The following SPMIP2 variants were observed in gnomAD, a reference collection of about 807,000 sequenced individuals.
SPMIP2 encodes protein SPMIP2.
At chr4:158,904,431 T>TTAAAG in the SPMIP2 span, 1 of 1,530,154 alleles carries the variant, frequency 6.5e-7, no homozygotes, top group Non-Finnish European at 9.0e-7. Flanking sequence ...CCATGCTCTT[T>TTAAAG]TAAAGTAATA....
the SPMIP2 span, among the ~76,000 whole-genome samples, chr4:159,014,521 T>A: frequency 6.6e-6 from 1 of 152,168 alleles, no homozygotes; most frequent in Non-Finnish European, 1.5e-5. Flanking sequence ...AAATTTTTTT[T>A]TTATTATACT....
At chr4:158,940,952 A>G in the SPMIP2 span, among the ~76,000 whole-genome samples, 1 of 152,176 alleles carries the variant, frequency 6.6e-6, no homozygotes, top group Non-Finnish European at 1.5e-5. Context: ...AAGATGTTCT[A>G]GGTTCATCTT....
the SPMIP2 span, among the ~76,000 whole-genome samples, chr4:158,997,825 A>T: frequency 1.3e-5 from 2 of 151,896 alleles, no homozygotes; most frequent in East Asian, 1.9e-4. Flanking sequence ...GCTAATTTTT[A>T]AAATTTTTTT....
the SPMIP2 span, among the ~76,000 whole-genome samples, chr4:158,993,590 C>T: frequency 6.6e-6 from 1 of 151,884 alleles, no homozygotes; most frequent in African/African-American, 2.4e-5. Context: ...TTATTCAACA[C>T]GTACTTATGA....
the SPMIP2 span, among the ~76,000 whole-genome samples, chr4:158,902,437 G>A: frequency 1.3e-5 from 2 of 152,220 alleles, no homozygotes; most frequent in African/African-American, 4.8e-5. Context: ...ACTGGGAGGT[G>A]TCTCCCAGTC....
At chr4:158,904,851 T>C in the SPMIP2 span, 49 of 298,690 alleles carry the variant, frequency 1.6e-4, no homozygotes, top group East Asian at 3.2e-3. Context: ...TGCAACAGAT[T>C]GCCTTGTGCT....
the SPMIP2 span, among the ~76,000 whole-genome samples, chr4:159,029,487 T>G: frequency 6.6e-6 from 1 of 152,222 alleles, no homozygotes; most frequent in African/African-American, 2.4e-5. Context: ...GATCCACCGA[T>G]AGTTTTTTCA....
At chr4:159,035,056 A>G in the SPMIP2 span, 2 of 1,613,214 alleles carry the variant, frequency 1.2e-6, no homozygotes, top group Middle Eastern at 1.7e-4. Flanking sequence ...TTGTTTTCCC[A>G]CAGTAGTAGA....
the SPMIP2 span, among the ~76,000 whole-genome samples, chr4:159,003,786 G>T: frequency 2.6e-5 from 4 of 152,150 alleles, no homozygotes; most frequent in African/African-American, 9.7e-5. Flanking sequence ...AGAGAACACA[G>T]CTACTAGAAA....
chr4:158,961,817 G>T, the SPMIP2 span, among the ~76,000 whole-genome samples: 2 of 151,890 alleles, frequency 1.3e-5, no homozygotes, highest in Non-Finnish European at 2.9e-5. Context: ...TTAATGAAAT[G>T]CATCATGATT....
chr4:159,067,477 C>T, the SPMIP2 span, among the ~76,000 whole-genome samples: 1 of 152,142 alleles, frequency 6.6e-6, no homozygotes, highest in African/African-American at 2.4e-5. Context: ...GTGATCCACC[C>T]GCCTTGGCCT....
chr4:158,916,854 A>G, the SPMIP2 span, among the ~76,000 whole-genome samples: 685 of 152,284 alleles, frequency 4.5e-3, 7 homozygotes, highest in African/African-American at 0.016. Flanking sequence ...ATGTCGACCA[A>G]GCTGGTCTTG....
chr4:158,939,139 A>T, the SPMIP2 span, among the ~76,000 whole-genome samples: 2 of 152,182 alleles, frequency 1.3e-5, no homozygotes, highest in Non-Finnish European at 2.9e-5. Context: ...CTGTGAGCTG[A>T]TCGGTAGCAA....
At chr4:159,072,368 G>GATTTGAAT in the SPMIP2 span, among the ~76,000 whole-genome samples, 1 of 151,828 alleles carries the variant, frequency 6.6e-6, no homozygotes, top group Non-Finnish European at 1.5e-5. Flanking sequence ...GGACAACTTG[G>GATTTGAAT]ATTTGAATGT....
chr4:159,054,089 T>C, the SPMIP2 span, among the ~76,000 whole-genome samples: 1 of 152,174 alleles, frequency 6.6e-6, no homozygotes, highest in South Asian at 2.1e-4. Context: ...GTCTTCCTGC[T>C]TCACCTCCTC....
At chr4:159,018,622 T>A in the SPMIP2 span, among the ~76,000 whole-genome samples, 2 of 152,188 alleles carry the variant, frequency 1.3e-5, no homozygotes, top group African/African-American at 4.8e-5. Context: ...ATTGTATTAA[T>A]TTTTTTGTCC....
the SPMIP2 span, among the ~76,000 whole-genome samples, chr4:158,986,500 T>A: frequency 3.1e-5 from 4 of 130,020 alleles, no homozygotes; most frequent in Non-Finnish European, 6.7e-5. Context: ...AGCTATCTGA[T>A]CTTTGACAAA....
At chr4:159,014,910 C>T in the SPMIP2 span, among the ~76,000 whole-genome samples, 1 of 152,202 alleles carries the variant, frequency 6.6e-6, no homozygotes, top group Non-Finnish European at 1.5e-5. Flanking sequence ...TGCATGCAGC[C>T]CGTGGGCCAC....
the SPMIP2 span, among the ~76,000 whole-genome samples, chr4:158,976,658 C>CA: frequency 1.4e-5 from 1 of 71,230 alleles, no homozygotes; most frequent in Non-Finnish European, 2.5e-5. Flanking sequence ...GATGGATAAG[C>CA]ATTTTTTTTT....
Sources: allele counts gnomAD v4.1 joint callset (sites outside exome capture counted in the v4.1 genomes callset), GRCh38; gene constraint gnomAD v4.1.1; transcripts MANE v1.5; gene names NCBI Gene and HGNC (gene_info 2026-07-23, HGNC 2026-07-21).